Variants in P2RX5 observed in about 807,000 individuals in gnomAD.
The protein encoded by P2RX5 is P2X purinoceptor 5.
In P2RX5, 46 loss-of-function variants were observed where a neutral mutation model predicts 54.1. The observed-to-expected ratio is 0.85, with a 90% CI of 0.67 to 1.09. P2RX5 has a LOEUF of 1.09. P2RX5 is among the 50% of genes least tolerant of loss of function. P2RX5 has a pLI of 0.00. For missense variants in P2RX5, 566 were observed against 549.8 expected, an observed-to-expected ratio of 1.03 and a Z score of -0.29; for synonymous variants, 226 against 226.4, an observed-to-expected ratio of 1.00 and a Z score of 0.02.
intron 1 of P2RX5, among the ~76,000 whole-genome samples, chr17:3,692,696 T>A (rs1376939767): frequency 6.6e-6 from 1 of 151,212 alleles, no homozygotes; most frequent in Non-Finnish European, 1.5e-5. Context: ...AAAAAAGTAA[T>A]CTAGGCATGG....
At chr17:3,702,303 T>C in the P2RX5 span, among the ~76,000 whole-genome samples, 1 of 145,694 alleles carries the variant, frequency 6.9e-6, no homozygotes, top group South Asian at 2.3e-4. Flanking sequence ...CAGCATTCTA[T>C]GTCTAGCTAA....
chr17:3,714,684 C>T, the P2RX5 span: 1 of 465,608 alleles, frequency 2.1e-6, no homozygotes, highest in Non-Finnish European at 3.8e-6. Context: ...TTACTTTTTG[C>T]ACAATGCACA....
chr17:3,720,940 T>C, the P2RX5 span, among the ~76,000 whole-genome samples: 13 of 152,184 alleles, frequency 8.5e-5, no homozygotes, highest in Admixed American at 7.2e-4. Flanking sequence ...CTGACTGACT[T>C]ATTTTTGAGA....
upstream of P2RX5, chr17:3,696,351 C>A (rs550175081): frequency 4.9e-5 from 9 of 184,910 alleles, no homozygotes; most frequent in Admixed American, 3.1e-4. Context: ...CGCAGCCCCC[C>A]GGATGCGCAG....
the P2RX5 span, among the ~76,000 whole-genome samples, chr17:3,719,201 A>G: frequency 7.0e-6 from 1 of 141,938 alleles, no homozygotes; most frequent in African/African-American, 2.8e-5. Context: ...GCACCAACGG[A>G]CTCCAGCCTG....
In P2RX5 at chr17:3,690,542, A is replaced by T; in HGVS notation, c.437-19T>A. On this transcript the variant is annotated intron_variant, in intron 4 of 11. Transcript: ENST00000225328. ...TTCACTCCTGCAGGGGTGGGACAGG[A>T]TCAATGCCAGGAGCCTCCCACTCCG... The T allele has an allele frequency of 1.2e-6, 2 of 1,612,742 alleles. No individual in the cohort carries two copies. Among genetic ancestry groups the T allele is most frequent in the Non-Finnish European group, 1.7e-6 (2 of 1,179,202 alleles).
chr17:3,691,649 C>A lies in P2RX5; in HGVS notation c.283G>T (p.Ala95Ser). The change falls in exon 2 of 12, where the codon GCC becomes TCC. Residue 95 changes from alanine to serine, a missense_variant. Physicochemically the swap from Ala to Ser is moderately conservative, Grantham distance 99 (BLOSUM62 1). Transcript: ENST00000225328. ...TGCTAGGTGGGGACTCAGACCTGGG[C>A]TGGAATGACGTAGTCGGCGACATCC... The part of the protein sequence containing the change: ...IWDVADYVIP[A>S]QGENVFFVVT... 2 of 1,614,188 alleles carry A rather than the reference C, an allele frequency of 1.2e-6. No individual in the cohort carries two copies. The highest frequency in any genetic ancestry group is 1.7e-6 in the Non-Finnish European group (2 of 1,180,038).
the P2RX5 span, among the ~76,000 whole-genome samples, chr17:3,704,568 A>T: frequency 6.6e-6 from 1 of 152,264 alleles, no homozygotes; most frequent in Non-Finnish European, 1.5e-5. Flanking sequence ...TTCCGTGCCC[A>T]TCAGCACCTT....
intron 1 of P2RX5, among the ~76,000 whole-genome samples, chr17:3,695,142 G>C (rs935600335): frequency 2.6e-5 from 4 of 152,312 alleles, no homozygotes; most frequent in African/African-American, 9.6e-5. Flanking sequence ...ATTGTCCAGC[G>C]CTGCTTCTCC....
upstream of P2RX5, among the ~76,000 whole-genome samples, chr17:3,698,802 G>A (rs185086478): frequency 5.9e-5 from 9 of 152,152 alleles, no homozygotes; most frequent in South Asian, 2.1e-4. Context: ...CAGGGCTCTC[G>A]GGGACAGGAC....
the P2RX5 span, among the ~76,000 whole-genome samples, chr17:3,711,659 C>T: frequency 6.6e-6 from 1 of 151,928 alleles, no homozygotes; most frequent in Non-Finnish European, 1.5e-5. Context: ...GCTGGGATTA[C>T]AGGCGTGAGC....
At chr17:3,700,371 A>G (rs948802997), upstream of P2RX5, among the ~76,000 whole-genome samples, 1 of 152,084 alleles carries the variant, frequency 6.6e-6, no homozygotes, top group South Asian at 2.1e-4. Context: ...CCTCTCTATG[A>G]AAAATACAAA....
At chr17:3,714,919 A>G in the P2RX5 span, 1 of 1,607,764 alleles carries the variant, frequency 6.2e-7, no homozygotes, top group South Asian at 1.1e-5. Flanking sequence ...TCAGTTGTTG[A>G]TATTTTCTTT....
At chr17:3,720,650 C>T in the P2RX5 span, 126 of 297,058 alleles carry the variant, frequency 4.2e-4, 1 homozygote, top group African/African-American at 2.4e-3. Flanking sequence ...GGTGCGATCT[C>T]GGCTCACTGC....
At chr17:3,677,410 C>T in intron 11 of P2RX5, 1 of 985,418 alleles carries the variant, frequency 1.0e-6, no homozygotes, top group Non-Finnish European at 1.2e-6. Flanking sequence ...ACCTAGACTC[C>T]CCAGGAGCTG....
At chr17:3,673,945 G>C in intron 11 of P2RX5, 68 bp from the exon 12 acceptor site, 1 of 1,409,236 alleles carries the variant, frequency 7.1e-7, no homozygotes, top group Non-Finnish European at 9.9e-7. Flanking sequence ...GAGGCAACCA[G>C]TGCCCAGGGA....
upstream of P2RX5, among the ~76,000 whole-genome samples, chr17:3,700,986 C>G (rs1052665465): frequency 1.3e-5 from 2 of 152,174 alleles, no homozygotes; most frequent in African/African-American, 4.8e-5. Flanking sequence ...CTCACTGCCT[C>G]ACCACGGCCC....
chr17:3,696,102 G>A lies in P2RX5; in HGVS notation c.-97C>T. Reference sequence around the variant, plus strand: ...CCCTGCGCGCCCGGCGCCCGCCTCGGCCCGTCTGCGCCCGCTCAGCTGCAG... The same window carrying A: ...CCCTGCGCGCCCGGCGCCCGCCTCGACCCGTCTGCGCCCGCTCAGCTGCAG... On this transcript the variant is annotated 5_prime_UTR_variant, in exon 1 of 12. Transcript: ENST00000225328. 7.0e-6 allele frequency: 9 copies of A among 1,293,160 alleles called. No homozygotes were observed. In the South Asian group the frequency reaches 1.3e-4, roughly 19 times the overall value. 80.1% of individuals were successfully genotyped at this position (1,293,160 alleles called of 1,614,324 possible).
At chr17:3,681,776 G>A (rs912351709) in intron 10 of P2RX5, 120 bp downstream of exon 10, 15 of 744,486 alleles carry the variant, frequency 2.0e-5, no homozygotes, top group Admixed American at 9.6e-5. Flanking sequence ...TCTCCTCCCC[G>A]GGCCCTCCAG....
Sources: allele counts gnomAD v4.1 joint callset (sites outside exome capture counted in the v4.1 genomes callset), GRCh38; gene constraint gnomAD v4.1.1; transcripts MANE v1.5; gene names NCBI Gene and HGNC (gene_info 2026-07-23, HGNC 2026-07-21).